The following TEX11 variants were observed in gnomAD, a reference collection of about 807,000 sequenced individuals.
TEX11 encodes the protein testis-expressed protein 11.
Under a neutral mutation model 84.4 loss-of-function variants are expected in TEX11, and 7 were observed. The observed-to-expected ratio is 0.08, with a 90% CI of 0.05 to 0.16. TEX11 has a LOEUF of 0.16. TEX11 is among the 10% of genes least tolerant of loss of function. The probability of loss-of-function intolerance (pLI) is 1.00; values close to 1 mark genes in which losing one functional copy is unlikely to be tolerated. For synonymous variants in TEX11, 264 were observed against 222.8 expected (o/e 1.18, Z -1.64); for missense variants, 551 against 660.5 (o/e 0.83, Z 1.82).
intron 9 of TEX11, among the ~76,000 whole-genome samples, chrX:70,785,740 A>G (rs934915974): frequency 4.4e-5 from 5 of 112,378 alleles, no homozygotes; most frequent in African/African-American, 1.6e-4. Context: ...ACTGGCCATC[A>G]GAGAAATGCA....
intron 3 of TEX11, among the ~76,000 whole-genome samples, chrX:70,876,042 G>A (rs923768500): frequency 8.9e-6 from 1 of 112,296 alleles, no homozygotes; most frequent in Non-Finnish European, 1.9e-5. Context: ...ATGGACAAAT[G>A]TATATGTGAT....
intron 9 of TEX11, among the ~76,000 whole-genome samples, chrX:70,769,234 ATGAAAT>A (rs2090958013): frequency 9.0e-6 from 1 of 111,674 alleles, no homozygotes; most frequent in South Asian, 3.7e-4. Context: ...ATGGAAATAA[ATGAAAT>A]TGATCACTAA....
At chrX:70,721,565 T>C in intron 13 of TEX11, among the ~76,000 whole-genome samples, 1 of 112,185 alleles carries the variant, frequency 8.9e-6, no homozygotes, top group South Asian at 3.6e-4. Flanking sequence ...GCTGTTAACC[T>C]GGAGATTAAT....
chrX:70,565,118 C>A (rs1389624361), intron 25 of TEX11, among the ~76,000 whole-genome samples: 3 of 109,435 alleles, frequency 2.7e-5, no homozygotes, highest in Non-Finnish European at 5.7e-5. Flanking sequence ...GAGATGGTAT[C>A]TCATTGTGGT....
At chrX:70,732,213 A>C (rs1035259538) in intron 11 of TEX11, among the ~76,000 whole-genome samples, 18 of 111,798 alleles carry the variant, frequency 1.6e-4, no homozygotes, top group Middle Eastern at 4.6e-3. Flanking sequence ...AATGGGCAAA[A>C]ACTGGAAGCA....
chrX:70,576,823 G>A (rs1041427575), intron 25 of TEX11, among the ~76,000 whole-genome samples: 48 of 112,143 alleles, frequency 4.3e-4, no homozygotes, highest in African/African-American at 1.5e-3. Context: ...GTCAGCAAAA[G>A]TACAACACTC....
At chrX:70,835,719 A>G (rs1411506345) in intron 7 of TEX11, among the ~76,000 whole-genome samples, 1 of 112,626 alleles carries the variant, frequency 8.9e-6, no homozygotes, top group Non-Finnish European at 1.9e-5. Flanking sequence ...TCTACAATAT[A>G]GGATTGATTT....
chrX:70,609,284 T>C (rs2089232337), intron 21 of TEX11, 107 bp from the exon 22 acceptor site: 1 of 679,308 alleles, frequency 1.5e-6, no homozygotes, highest in African/African-American at 2.2e-5. Context: ...ATTTAGAAAG[T>C]TCTTTTTTGT....
chrX:70,538,526 A>G (rs757436970), intron 28 of TEX11, among the ~76,000 whole-genome samples: 7 of 110,891 alleles, frequency 6.3e-5, no homozygotes, highest in Non-Finnish European at 1.1e-4. Context: ...GCAGGGGCTC[A>G]CACCTGTAAT....
chrX:70,837,730 G>A (rs1264147484), intron 7 of TEX11, among the ~76,000 whole-genome samples: 2 of 111,906 alleles, frequency 1.8e-5, no homozygotes, highest in East Asian at 2.8e-4. Flanking sequence ...TAGAGATGGA[G>A]ACTAGGTTTT....
intron 20 of TEX11, among the ~76,000 whole-genome samples, chrX:70,614,055 T>C (rs987026955): frequency 2.7e-5 from 3 of 111,632 alleles, no homozygotes; most frequent in Middle Eastern, 4.2e-3. Flanking sequence ...AGTAGTACAC[T>C]GTAGGCCTTG....
intron 10 of TEX11, among the ~76,000 whole-genome samples, chrX:70,741,515 AT>A (rs1450108161): frequency 9.0e-6 from 1 of 111,223 alleles, no homozygotes; most frequent in Non-Finnish European, 1.9e-5. Flanking sequence ...ATGGTGTAAT[AT>A]ACAAGACTAC....
chrX:70,714,786 A>C (rs1290644413), intron 13 of TEX11, among the ~76,000 whole-genome samples: 1 of 111,692 alleles, frequency 9.0e-6, no homozygotes, highest in Non-Finnish European at 1.9e-5. Context: ...CATTTAGTCC[A>C]TTTACATTTA....
chrX:70,531,932 A>G (rs2087893593), intron 28 of TEX11, among the ~76,000 whole-genome samples: 1 of 111,915 alleles, frequency 8.9e-6, no homozygotes, highest in African/African-American at 3.2e-5. Flanking sequence ...AGGAAGACCA[A>G]GAGTTCTTTG....
intron 13 of TEX11, among the ~76,000 whole-genome samples, chrX:70,700,775 G>C (rs993790547): frequency 8.9e-6 from 1 of 112,147 alleles, no homozygotes; most frequent in Non-Finnish European, 1.9e-5. Flanking sequence ...AATTGCGACT[G>C]CAAACAAAAA....
Position 70,676,465 on chromosome X carries a change from C to T in TEX11, c.1242+2339G>A, listed in dbSNP as rs925514455. ...GCATTACTTCCAACAAGAAATCTGACGTTCTCTTTAATTTATTCCTCTGTA... is the reference window on the plus strand; with the variant it reads ...GCATTACTTCCAACAAGAAATCTGATGTTCTCTTTAATTTATTCCTCTGTA... On this transcript the variant is annotated intron_variant, in intron 15 of 29. Coordinates refer to ENST00000374333, the MANE Select transcript of TEX11 (RefSeq NM_031276.3). Among the ~76,000 whole-genome samples the T allele has an allele frequency of 5.4e-5, 6 of 112,009 alleles. No homozygotes were observed. The East Asian group carries it at 1.1e-3, about 21-fold the overall frequency.
intron 2 of TEX11, among the ~76,000 whole-genome samples, chrX:70,881,005 C>CAAAAAAAAAAAAAAA (rs11284342): frequency 2.2e-5 from 1 of 46,244 alleles, no homozygotes; most frequent in Non-Finnish European, 3.7e-5. Context: ...AGACATCATC[C>CAAAAAAAAAAAAAAA]AAAAAAAAAA....
chrX:70,725,496 T>C (rs1238488237), intron 11 of TEX11, among the ~76,000 whole-genome samples, 153 bp from the exon 12 acceptor site: 3 of 112,120 alleles, frequency 2.7e-5, no homozygotes, highest in Non-Finnish European at 5.6e-5. Context: ...ATTTGTTCTA[T>C]CCCTGAGGAT....
intron 9 of TEX11, among the ~76,000 whole-genome samples, chrX:70,774,578 T>C (rs1185655348): frequency 3.6e-5 from 4 of 111,366 alleles, no homozygotes; most frequent in South Asian, 3.7e-4. Context: ...ATTAATGAAC[T>C]AGCTGAGAAA....
Sources: allele counts gnomAD v4.1 joint callset (sites outside exome capture counted in the v4.1 genomes callset), GRCh38; gene constraint gnomAD v4.1.1; transcripts MANE v1.5; gene names NCBI Gene and HGNC (gene_info 2026-07-23, HGNC 2026-07-21).